The following DUSP22 variants were observed in gnomAD, a reference collection of about 807,000 sequenced individuals.
DUSP22 encodes the protein dual specificity protein phosphatase 22.
Under a neutral mutation model 24.5 loss-of-function variants are expected in DUSP22, and 24 were observed. The ratio of observed to expected loss-of-function variants is 0.98; its 90% CI spans 0.71 to 1.38. The LOEUF (loss-of-function observed/expected upper bound fraction) is 1.38, where lower values mean the gene tolerates loss of function less well. Ranked by LOEUF, DUSP22 falls within the 40% of genes most tolerant of loss-of-function variation. The pLI is 0.00. For synonymous variants in DUSP22, 160 were observed against 106.4 expected, an observed-to-expected ratio of 1.50 and a Z score of -3.10; for missense variants, 330 against 269.2, an observed-to-expected ratio of 1.23 and a Z score of -1.58.
chr6:334,766 T>C (rs1326596067), intron 3 of DUSP22, among the ~76,000 whole-genome samples: 2 of 152,296 alleles, frequency 1.3e-5, no homozygotes, highest in African/African-American at 4.8e-5. Flanking sequence ...ATGAAATATA[T>C]AAAAAATTTG....
intron 3 of DUSP22, among the ~76,000 whole-genome samples, chr6:313,761 C>T (rs1581158973): frequency 6.6e-6 from 1 of 152,302 alleles, no homozygotes; most frequent in East Asian, 1.9e-4. Flanking sequence ...CCCCTCTTAG[C>T]ATTTTATCAA....
intron 3 of DUSP22, among the ~76,000 whole-genome samples, chr6:324,600 C>G (rs993943655): frequency 6.6e-6 from 1 of 152,312 alleles, no homozygotes; most frequent in African/African-American, 2.4e-5. Flanking sequence ...CCAGCCTTTG[C>G]GTGTCTTGAG....
chr6:327,969 T>G (rs1200895130), intron 3 of DUSP22, among the ~76,000 whole-genome samples: 1 of 152,300 alleles, frequency 6.6e-6, no homozygotes, highest in Non-Finnish European at 1.5e-5. Context: ...AAAATGGGTC[T>G]TCTCTACTTT....
rs559175840 is a variant in DUSP22 at position 301,379 on chromosome 6, C to T, written c.22-3249C>T. Among the ~76,000 whole-genome samples, 31 of 152,414 alleles carry T rather than the reference C, an allele frequency of 2.0e-4. No homozygotes were observed. In the South Asian group the frequency reaches 4.6e-3, roughly 22 times the overall value. ...TTGGGAGAATGGGGATGACCTGGCT[C>T]GGCTGGACATAAGAAAGAAGTTGGG... On this transcript the variant is annotated intron_variant, in intron 1 of 6. Coordinates refer to ENST00000419235, the MANE Select transcript of DUSP22 (RefSeq NM_001286555.3).
chr6:350,823 C>A lies in DUSP22; in HGVS notation c.*1872C>A. The A allele has an allele frequency of 6.2e-7, 1 of 1,614,274 alleles. No homozygotes were observed. Among genetic ancestry groups the A allele is most frequent in the Non-Finnish European group, 8.5e-7 (1 of 1,180,036 alleles). On this transcript the variant is annotated 3_prime_UTR_variant, in exon 7 of 7. Transcript: ENST00000419235. ...GCCAGTAATGTTCTTTCTTCACAGCCGCTCCGGGAATTCTGAAGTTCTGGG... is the reference window on the plus strand; with the variant it reads ...GCCAGTAATGTTCTTTCTTCACAGCAGCTCCGGGAATTCTGAAGTTCTGGG...
Position 349,814 on chromosome 6 carries a change from G to C in DUSP22, c.*863G>C. ...AGTTCTACTTGGTGTTTGTTCTCTG[G>C]AGCTGATTGCACTTGAGCTCTGTGG... On this transcript the variant is annotated 3_prime_UTR_variant, in exon 7 of 7. Transcript: ENST00000419235. 2 of 985,906 alleles carry C rather than the reference G, an allele frequency of 2.0e-6. No individual in the cohort carries two copies. The highest frequency in any genetic ancestry group is 2.4e-6 in the Non-Finnish European group (2 of 830,214). The allele number at this position is 985,906 out of a possible 1,614,324, so 61.1% of individuals were successfully genotyped here.
intron 3 of DUSP22, among the ~76,000 whole-genome samples, chr6:328,571 T>C (rs1255746233): frequency 6.6e-6 from 1 of 152,310 alleles, no homozygotes; most frequent in Admixed American, 6.5e-5. Flanking sequence ...CTCTCCACTC[T>C]GACCTCCTGC....
chr6:318,958 T>C (rs1166372982), intron 3 of DUSP22, among the ~76,000 whole-genome samples: 3 of 152,302 alleles, frequency 2.0e-5, no homozygotes, highest in Admixed American at 6.5e-5. Context: ...ACCCATCATA[T>C]AATCACATTT....
chr6:342,619 C>T (rs1420179040), intron 4 of DUSP22, among the ~76,000 whole-genome samples: 1 of 152,306 alleles, frequency 6.6e-6, no homozygotes, highest in African/African-American at 2.4e-5. Context: ...ATGAATTTGG[C>T]CATGAGTGGC....
rs1758064587 is a variant in DUSP22, at chr6:311,092, A to G, written c.56-788A>G. Among the ~76,000 whole-genome samples, 8 of 152,424 alleles carry G rather than the reference A, an allele frequency of 5.2e-5. No homozygotes were observed. In the South Asian group the frequency reaches 1.7e-3, roughly 32 times the overall value. ...AAAAAGACGAATCAGGAGAGTGGCA[A>G]TTACAAAAAATTGTTCAGCAGGAAT... On this transcript the variant is annotated intron_variant, in intron 2 of 6. Coordinates refer to ENST00000419235, the MANE Select transcript of DUSP22 (RefSeq NM_001286555.3).
At chr6:316,278 C>T (rs1283972624) in intron 3 of DUSP22, among the ~76,000 whole-genome samples, 1 of 152,218 alleles carries the variant, frequency 6.6e-6, no homozygotes, top group African/African-American at 2.4e-5. Context: ...TTCAGGACTA[C>T]ACTTTTGGTA....
chr6:315,645 C>T (rs1300620494), intron 3 of DUSP22, among the ~76,000 whole-genome samples: 3 of 152,312 alleles, frequency 2.0e-5, no homozygotes, highest in African/African-American at 7.2e-5. Flanking sequence ...CAGCACAGAG[C>T]TTTGCTCTTC....
chr6:327,578 T>A (rs1472851845), intron 3 of DUSP22, among the ~76,000 whole-genome samples: 1 of 152,304 alleles, frequency 6.6e-6, no homozygotes, highest in African/African-American at 2.4e-5. Context: ...TGGGGTCTAG[T>A]GAGAGAGACT....
At chr6:347,734 T>G (rs113661517) in intron 5 of DUSP22, among the ~76,000 whole-genome samples, 80 of 152,400 alleles carry the variant, frequency 5.2e-4, no homozygotes, top group African/African-American at 1.9e-3. Flanking sequence ...TATAAATGGG[T>G]TTGTCGCGTA....
At position 350,270 on chromosome 6, in the gene DUSP22, T is replaced by C. The variant is rs531703373; in HGVS notation, c.*1319T>C. ...GCTTTCTGGTGGGTAAAATTCCACA[T>C]TCAGGCCACGAGAGCATCTACAGTT... On this transcript the variant is annotated 3_prime_UTR_variant, in exon 7 of 7. Transcript: ENST00000419235. 137 of 989,278 alleles carry C rather than the reference T, an allele frequency of 1.4e-4. No homozygotes were observed. The African/African-American group carries it at 2.3e-3, about 17-fold the overall frequency. The allele number at this position is 989,278 out of a possible 1,614,324, so 61.3% of individuals were successfully genotyped here. A position where few individuals can be genotyped will look rare whatever the true frequency, so the allele number is the denominator to read the frequency against.
chr6:320,067 C>T (rs915602537), intron 3 of DUSP22: 2 of 152,548 alleles, frequency 1.3e-5, no homozygotes, highest in Non-Finnish European at 2.9e-5. Context: ...CAAATGGAGC[C>T]CTAGAACTCC....
intron 1 of DUSP22, among the ~76,000 whole-genome samples, chr6:296,752 A>G (rs1330761079): frequency 6.6e-6 from 1 of 152,420 alleles, no homozygotes. Context: ...AATGCTTCTC[A>G]TGTGCAAGAA....
intron 3 of DUSP22, among the ~76,000 whole-genome samples, chr6:318,250 A>T (rs946606859): frequency 3.3e-5 from 5 of 152,306 alleles, no homozygotes; most frequent in Non-Finnish European, 7.3e-5. Context: ...CATGCATCCA[A>T]GACACAGACA....
chr6:350,365 C>T lies in DUSP22; in HGVS notation c.*1414C>T, dbSNP rs1760138141. 3 of 1,063,370 alleles carry T rather than the reference C, an allele frequency of 2.8e-6. No individual in the cohort carries two copies. The highest frequency in any genetic ancestry group is 3.4e-6 in the Non-Finnish European group (3 of 877,970). 65.9% of individuals were successfully genotyped at this position (1,063,370 alleles called of 1,614,324 possible). On this transcript the variant is annotated 3_prime_UTR_variant, in exon 7 of 7. Transcript: ENST00000419235. ...AGTGGTCTAGTCCTTTATACCGACT[C>T]AGATTCCTTAAGCATGCAGAGTCAC...
Sources: gnomAD v4.1 joint callset for allele counts (sites outside exome capture counted in the v4.1 genomes callset) on GRCh38, gnomAD v4.1.1 for gene constraint, MANE v1.5 for transcripts, NCBI Gene and HGNC (gene_info 2026-07-23, HGNC 2026-07-21) for gene names.